The following SMAP1 variants were observed in gnomAD, a reference collection of about 807,000 sequenced individuals.
SMAP1 encodes the protein stromal membrane-associated protein 1.
Under a neutral mutation model 58.5 loss-of-function variants are expected in SMAP1, and 24 were observed. That is an observed-to-expected ratio of 0.41 (90% CI 0.30 to 0.58). The LOEUF (loss-of-function observed/expected upper bound fraction) is 0.58. SMAP1 is among the 20% of genes least tolerant of loss of function. The pLI is 0.29. For synonymous variants in SMAP1, 216 were observed against 196.6 expected (o/e 1.10, Z -0.82); for missense variants, 563 against 566.3 (o/e 0.99, Z 0.06).
At chr6:70,777,507 A>G (rs1767596233) in intron 4 of SMAP1, among the ~76,000 whole-genome samples, 1 of 152,006 alleles carries the variant, frequency 6.6e-6, no homozygotes, top group Non-Finnish European at 1.5e-5. Context: ...TATGGATGCT[A>G]GTTTCTTGTC....
chr6:70,696,584 T>C (rs1767414379), intron 1 of SMAP1, among the ~76,000 whole-genome samples: 1 of 152,224 alleles, frequency 6.6e-6, no homozygotes, highest in Admixed American at 6.5e-5. Context: ...ATTGCTAGTT[T>C]TATTCCATCA....
At chr6:70,750,032 A>G (rs562227023) in intron 2 of SMAP1, among the ~76,000 whole-genome samples, 194 of 152,258 alleles carry the variant, frequency 1.3e-3, no homozygotes, top group African/African-American at 4.4e-3. Context: ...GTGGTATGTC[A>G]TTTATTTTGC....
At chr6:70,852,441 GTTC>G (rs1044677049) in intron 7 of SMAP1, 96 bp from the exon 8 acceptor site, 4 of 1,214,322 alleles carry the variant, frequency 3.3e-6, no homozygotes, top group East Asian at 5.8e-5. Flanking sequence ...CTTTTGAACT[GTTC>G]TTTTTTTTTA....
intron 1 of SMAP1, among the ~76,000 whole-genome samples, chr6:70,711,273 G>A (rs987279982): frequency 6.6e-6 from 1 of 152,160 alleles, no homozygotes; most frequent in African/African-American, 2.4e-5. Flanking sequence ...GTAATTTGTT[G>A]TGCTACGATG....
At chr6:70,779,465 A>T (rs1767674103) in intron 4 of SMAP1, among the ~76,000 whole-genome samples, 1 of 152,152 alleles carries the variant, frequency 6.6e-6, no homozygotes, top group South Asian at 2.1e-4. Context: ...GACTCCAGGC[A>T]GCTCCTTATA....
chr6:70,847,152 T>C (rs985165346), intron 7 of SMAP1, among the ~76,000 whole-genome samples: 1 of 152,318 alleles, frequency 6.6e-6, no homozygotes, highest in Admixed American at 6.5e-5. Context: ...AGATGAATTC[T>C]GGTATAGTTA....
At chr6:70,857,098 G>A in intron 9 of SMAP1, 68 bp downstream of exon 9, 1 of 1,381,314 alleles carries the variant, frequency 7.2e-7, no homozygotes, top group Middle Eastern at 2.5e-4. Flanking sequence ...TATATAATAA[G>A]ATCAATTATA....
chr6:70,798,839 T>C, intron 6 of SMAP1, 102 bp downstream of exon 6: 1 of 958,338 alleles, frequency 1.0e-6, no homozygotes, highest in Non-Finnish European at 1.5e-6. Flanking sequence ...AAATAATCAT[T>C]ATTTTCAACA....
At chr6:70,774,540 T>G (rs1225078268) in intron 4 of SMAP1, among the ~76,000 whole-genome samples, 1 of 152,146 alleles carries the variant, frequency 6.6e-6, no homozygotes, top group Non-Finnish European at 1.5e-5. Context: ...AGTTAGGATA[T>G]TTTAATATGC....
intron 1 of SMAP1, among the ~76,000 whole-genome samples, chr6:70,683,622 T>A (rs911379980): frequency 4.0e-4 from 61 of 152,330 alleles, no homozygotes; most frequent in African/African-American, 1.3e-3. Flanking sequence ...TTCATTCTTC[T>A]GGGTATCCTG....
intron 2 of SMAP1, among the ~76,000 whole-genome samples, chr6:70,746,702 C>T (rs1011975329): frequency 2.6e-5 from 4 of 152,030 alleles, no homozygotes; most frequent in African/African-American, 4.8e-5. Context: ...GAGTTAGGGG[C>T]GATTCCTTCT....
At chr6:70,746,851 G>A (rs529781764) in intron 2 of SMAP1, among the ~76,000 whole-genome samples, 1 of 152,054 alleles carries the variant, frequency 6.6e-6, no homozygotes, top group South Asian at 2.1e-4. Context: ...AATTTCAGAG[G>A]CTGATTTAAG....
chr6:70,745,830 T>C lies in SMAP1; in HGVS notation c.253-9150T>C, dbSNP rs187883357. Among the ~76,000 whole-genome samples, 405 of 152,354 alleles carry C rather than the reference T, an allele frequency of 2.7e-3. 2 individuals are homozygous for C. Among genetic ancestry groups the C allele is most frequent in the Non-Finnish European group, 4.6e-3 (310 of 68,034 alleles). On this transcript the variant is annotated intron_variant, in intron 2 of 10. Coordinates refer to ENST00000370455, the MANE Select transcript of SMAP1 (RefSeq NM_001044305.3). ...AGCATGGAATGTTCTTCCATTTGTT[T>C]ATGTCCTCTTTTATTTCGTTGAGCA...
At chr6:70,736,208 C>T (rs1765611662) in intron 2 of SMAP1, among the ~76,000 whole-genome samples, 1 of 152,126 alleles carries the variant, frequency 6.6e-6, no homozygotes, top group African/African-American at 2.4e-5. Context: ...TTACCCAAAA[C>T]TTACTTTGAT....
chr6:70,721,206 G>A (rs1022627191), intron 1 of SMAP1, among the ~76,000 whole-genome samples: 2 of 152,074 alleles, frequency 1.3e-5, no homozygotes, highest in Admixed American at 6.6e-5. Context: ...TTATAAAACT[G>A]AATGCCTTTA....
At chr6:70,729,002 TC>T (rs2149857104) in intron 1 of SMAP1, among the ~76,000 whole-genome samples, 1 of 152,276 alleles carries the variant, frequency 6.6e-6, no homozygotes, top group East Asian at 1.9e-4. Context: ...CTATTGAACA[TC>T]TTTTTTTTTT....
rs76029627 is a variant in SMAP1 at position 70,861,992 on chromosome 6, A to T, written c.*1658A>T. 4.1e-5 allele frequency: 21 copies of T among 518,382 alleles called. No individual in the cohort carries two copies. The highest frequency in any genetic ancestry group is 5.2e-5 in the Non-Finnish European group (19 of 362,256). 32.1% of individuals were successfully genotyped at this position (518,382 alleles called of 1,614,324 possible). A position where few individuals can be genotyped will look rare whatever the true frequency, so the allele number is the denominator to read the frequency against. On this transcript the variant is annotated 3_prime_UTR_variant, in exon 11 of 11. Coordinates refer to ENST00000370455, the MANE Select transcript of SMAP1 (RefSeq NM_001044305.3). ...TTACAGCAAATCCTTTGTGAAAAAT[A>T]AAAAAAAAAAAGAGACTTTAAAATC...
intron 7 of SMAP1, among the ~76,000 whole-genome samples, chr6:70,840,667 G>C (rs1770768055): frequency 6.6e-6 from 1 of 152,210 alleles, no homozygotes; most frequent in African/African-American, 2.4e-5. Context: ...ACCTACAAGA[G>C]CTGCCTCATA....
chr6:70,853,278 G>A (rs1268255164), intron 8 of SMAP1, among the ~76,000 whole-genome samples: 1 of 151,746 alleles, frequency 6.6e-6, no homozygotes, highest in Non-Finnish European at 1.5e-5. Context: ...AGTATTAATG[G>A]TGAAGAAATT....
Sources: gnomAD v4.1 joint callset for allele counts (sites outside exome capture counted in the v4.1 genomes callset) on GRCh38, gnomAD v4.1.1 for gene constraint, MANE v1.5 for transcripts, NCBI Gene and HGNC (gene_info 2026-07-23, HGNC 2026-07-21) for gene names.